PRORP: variants seen among roughly 807,000 people sequenced by gnomAD.
The protein encoded by PRORP is protein only RNase P catalytic subunit.
In PRORP, 51 loss-of-function variants were observed where a neutral mutation model predicts 59.4. The observed-to-expected ratio is 0.86, with a 90% CI of 0.69 to 1.08. The LOEUF (loss-of-function observed/expected upper bound fraction) is 1.08, where lower values mean the gene tolerates loss of function less well. Among genes scored for constraint, PRORP ranks in the 50% least tolerant of loss-of-function variants. The pLI, the probability that PRORP is intolerant of heterozygous loss-of-function variation, is 0.00. For synonymous variants in PRORP, 231 were observed against 245.6 expected (o/e 0.94, Z 0.55); for missense variants, 646 against 690.3 (o/e 0.94, Z 0.72).
In PRORP at chr14:35,123,651, G is replaced by A. The variant is rs1286209251; in HGVS notation, c.406G>A (p.Gly136Arg). Residue 136 changes from glycine (G) to arginine (R), a missense_variant, in exon 2 of 8, where the codon GGA (glycine) becomes AGA (arginine). Transcript: ENST00000534898. Reference sequence around the variant, plus strand: ...TAAGGAAGATTTAAAAGAAAACACCGGAAAGACCAGTTTCGAAAGTTGGAT... The same window carrying A: ...TAAGGAAGATTTAAAAGAAAACACCAGAAAGACCAGTTTCGAAAGTTGGAT... ...KLKEDLKENT[G>R]KTSFESWIIS... 1.2e-6 allele frequency: 2 copies of A among 1,614,138 alleles called. No homozygotes were observed. Among genetic ancestry groups the A allele is most frequent in the Non-Finnish European group, 1.7e-6 (2 of 1,180,032 alleles).
Position 35,137,646 on chromosome 14 carries a change from C to A in PRORP, c.1167+10035C>A, listed in dbSNP as rs1299440914. On this transcript the variant is annotated intron_variant, in intron 4 of 7. Transcript: ENST00000534898. Reference sequence around the variant, plus strand: ...AATCTGTGAATCTGTAGACATTACTCTGTGTGATTGTGTGATTTAATATAT... The same window carrying A: ...AATCTGTGAATCTGTAGACATTACTATGTGTGATTGTGTGATTTAATATAT... Among the ~76,000 whole-genome samples the A allele has an allele frequency of 2.1e-5, 3 of 145,216 alleles. 1 individual carries two copies. In the Admixed American group the frequency reaches 2.2e-4, roughly 10 times the overall value.
rs562409423 is a variant in PRORP at position 35,158,084 on chromosome 14, T to G, written c.1168-22586T>G. ...CTGCCATTGGAGCTCAACTTCAGAG[T>G]CCTTCAGTTTTTGAACTTTTTTTTT... On this transcript the variant is annotated intron_variant, in intron 4 of 7. Transcript: ENST00000534898. The G allele has an allele frequency of 8.2e-5, 22 of 268,078 alleles. No individual in the cohort carries two copies. In the South Asian group the frequency reaches 2.7e-3, roughly 33 times the overall value. 16.6% of individuals were successfully genotyped at this position (268,078 alleles called of 1,614,324 possible).
chr14:35,176,058 C>T (rs540696903), intron 4 of PRORP, among the ~76,000 whole-genome samples: 1,912 of 152,054 alleles, frequency 0.013, 37 homozygotes, highest in African/African-American at 0.041. Flanking sequence ...TGTAGATAAG[C>T]GGCATTATTT....
chr14:35,235,232 G>T, intron 5 of PRORP: 1 of 727,924 alleles, frequency 1.4e-6, no homozygotes, highest in Non-Finnish European at 2.4e-6. Context: ...GGTGATGCGA[G>T]CCACAGACTT....
At chr14:35,175,352 C>T (rs1337764533) in intron 4 of PRORP, among the ~76,000 whole-genome samples, 1 of 152,028 alleles carries the variant, frequency 6.6e-6, no homozygotes, top group Non-Finnish European at 1.5e-5. Flanking sequence ...AGTTTACAGT[C>T]CCACCAACAG....
At chr14:35,148,566 T>C (rs1219563019) in intron 4 of PRORP, among the ~76,000 whole-genome samples, 1 of 152,180 alleles carries the variant, frequency 6.6e-6, no homozygotes, top group Non-Finnish European at 1.5e-5. Flanking sequence ...TCTAAGATTT[T>C]TGGAATGGTA....
intron 5 of PRORP, among the ~76,000 whole-genome samples, chr14:35,215,537 T>A (rs2049565142): frequency 1.3e-5 from 2 of 152,220 alleles, no homozygotes; most frequent in African/African-American, 4.8e-5. Context: ...GAGGATCACT[T>A]GAGGCTGGTA....
chr14:35,168,448 T>G (rs986608932), intron 4 of PRORP, among the ~76,000 whole-genome samples: 1 of 152,194 alleles, frequency 6.6e-6, no homozygotes, highest in African/African-American at 2.4e-5. Context: ...AATTGCTAGT[T>G]GATACTCAGG....
At chr14:35,168,435 T>C (rs2048237338) in intron 4 of PRORP, among the ~76,000 whole-genome samples, 1 of 152,232 alleles carries the variant, frequency 6.6e-6, no homozygotes, top group Non-Finnish European at 1.5e-5. Context: ...AATAAGATTA[T>C]TTAATTGCTA....
intron 4 of PRORP, among the ~76,000 whole-genome samples, chr14:35,128,321 TTGTC>T (rs2047149860): frequency 6.6e-6 from 1 of 151,860 alleles, no homozygotes; most frequent in African/African-American, 2.4e-5. Flanking sequence ...TGCTGTGTCT[TTGTC>T]TGGTTTTGGT....
chr14:35,150,748 G>C (rs1474805900), intron 4 of PRORP, among the ~76,000 whole-genome samples: 1 of 152,146 alleles, frequency 6.6e-6, no homozygotes, highest in Non-Finnish European at 1.5e-5. Context: ...ATGGGTGTTT[G>C]GCTGCTGCTG....
chr14:35,181,808 A>T (rs2048617429), intron 5 of PRORP, among the ~76,000 whole-genome samples: 1 of 149,516 alleles, frequency 6.7e-6, no homozygotes, highest in South Asian at 2.1e-4. Flanking sequence ...AAAAGTAATG[A>T]TAAAAAGAGT....
At chr14:35,151,328 G>A (rs2047739536) in intron 4 of PRORP, among the ~76,000 whole-genome samples, 1 of 151,836 alleles carries the variant, frequency 6.6e-6, no homozygotes, top group South Asian at 2.1e-4. Flanking sequence ...AGTAATACTG[G>A]TGCTGAAGAC....
At chr14:35,261,655 G>C (rs2050907086) in intron 5 of PRORP, among the ~76,000 whole-genome samples, 1 of 152,048 alleles carries the variant, frequency 6.6e-6, no homozygotes, top group Admixed American at 6.5e-5. Flanking sequence ...CTTGAACCCA[G>C]GAGGCGGAGG....
At chr14:35,191,902 GT>G (rs2048892954) in intron 5 of PRORP, among the ~76,000 whole-genome samples, 1 of 152,058 alleles carries the variant, frequency 6.6e-6, no homozygotes, top group South Asian at 2.1e-4. Flanking sequence ...AGTTTTCTTG[GT>G]TTTAACCCCA....
At chr14:35,272,622 A>G (rs2051221814) in intron 7 of PRORP, among the ~76,000 whole-genome samples, 2 of 152,244 alleles carry the variant, frequency 1.3e-5, no homozygotes, top group African/African-American at 4.8e-5. Context: ...TTAGAGATAC[A>G]TACTGAAGTA....
rs1200502572 is a variant in PRORP, at chr14:35,262,798, T to C, written c.1276-3929T>C. The C allele has an allele frequency of 2.2e-6, 3 of 1,349,508 alleles. No individual in the cohort carries two copies. The Admixed American group carries it at 5.0e-5, about 23-fold the overall frequency. 83.6% of individuals were successfully genotyped at this position (1,349,508 alleles called of 1,614,324 possible). A position where few individuals can be genotyped will look rare whatever the true frequency, so the allele number is the denominator to read the frequency against. The stretch of plus-strand genomic sequence containing the variant: ...CAGGAGAATGGGTCTCTTGTTGAAA[T>C]CTGAAATTTCTTGGGTGAAAAATAC... On this transcript the variant is annotated intron_variant, in intron 5 of 7. Coordinates refer to ENST00000534898, the MANE Select transcript of PRORP (RefSeq NM_014672.4).
chr14:35,122,028 G>A, upstream of PRORP: 1 of 1,560,638 alleles, frequency 6.4e-7, no homozygotes. Context: ...CAGCTCAGGC[G>A]TCAGCACCGC....
intron 4 of PRORP, among the ~76,000 whole-genome samples, chr14:35,136,604 G>T (rs1461666142): frequency 6.9e-6 from 1 of 144,994 alleles, no homozygotes; most frequent in Admixed American, 7.2e-5. Context: ...CGAACTCCCA[G>T]CCTCAGGTGA....
Sources: allele counts gnomAD v4.1 joint callset (sites outside exome capture counted in the v4.1 genomes callset), GRCh38; gene constraint gnomAD v4.1.1; transcripts MANE v1.5; gene names NCBI Gene and HGNC (gene_info 2026-07-23, HGNC 2026-07-21).